Variants in HLA-DPB1 observed in about 807,000 individuals in gnomAD.
HLA-DPB1 encodes the protein major histocompatibility complex, class II, DP beta 1, also known as HLA class II histocompatibility antigen, DP beta 1 chain.
A neutral mutation model predicts 29.4 loss-of-function variants in HLA-DPB1; 30 were observed. The observed-to-expected ratio is 1.02, with a 90% CI of 0.76 to 1.38. The LOEUF is 1.38. Among genes scored for constraint, HLA-DPB1 ranks in the 40% most tolerant of loss-of-function variants. The pLI is 0.00. For missense variants in HLA-DPB1, 261 were observed against 327.5 expected (o/e 0.80, Z 1.57); for synonymous variants, 114 against 134.0 (o/e 0.85, Z 1.03).
At position 33,080,823 on chromosome 6, in the gene HLA-DPB1, T is replaced by G. The variant is rs9277351; in HGVS notation, c.252T>G (p.Ala84=). The change falls in exon 2 of 6, where the codon GCT becomes GCG. Residue 84 remains alanine (A), a synonymous_variant. Coordinates refer to ENST00000418931, the MANE Select transcript of HLA-DPB1 (RefSeq NM_002121.6). This position sits in a 1 kb window ranked among gnomAD's most constrained non-coding sequence, Gnocchi z 4.3. ...CGGTGACGGAGCTGGGGCGGCCTGC[T>G]GCGGAGTACTGGAACAGCCAGAAGG... ...FRAVTELGRP[A]AEYWNSQKDI... is the part of the protein sequence containing the mutation. 0.044 allele frequency: 70,801 copies of G among 1,594,662 alleles called. 6,016 individuals carry two copies. In the East Asian group the frequency reaches 0.47, roughly 11 times the overall value.
intron 2 of HLA-DPB1, chr6:33,084,131 T>A (rs1262315454): frequency 1.3e-5 from 2 of 152,224 alleles, no homozygotes; most frequent in African/African-American, 4.8e-5. Context: ...AGTTATTAGA[T>A]TCACAGGCCA....
chr6:33,077,346 C>T (rs1399522096), intron 1 of HLA-DPB1, among the ~76,000 whole-genome samples: 1 of 151,980 alleles, frequency 6.6e-6, no homozygotes, highest in African/African-American at 2.4e-5. Context: ...GGTTCCAAGT[C>T]TTTGCTATTG....
At chr6:33,085,995 G>A (rs9277477) in intron 4 of HLA-DPB1, 106 bp downstream of exon 4, 248,147 of 804,586 alleles carry the variant, frequency 0.31, 43,515 homozygotes, top group East Asian at 0.6. Context: ...AGCTCTAGAG[G>A]CCACTGATAT....
At position 33,085,104 on chromosome 6, in the gene HLA-DPB1, C is replaced by G; in HGVS notation, c.519C>G (p.Asn173Lys). ...QEETAGVVST[N>K]LIRNGDWTFQ... ...AAACAGCTGGGGTCGTGTCCACCAA[C>G]CTGATCCGTAATGGAGACTGGACCT... The change falls in exon 3 of 6, where the codon AAC becomes AAG. Residue 173 changes from asparagine to lysine, a missense_variant. Physicochemically the swap from Asn to Lys is moderately conservative, Grantham distance 94 (BLOSUM62 0). Transcript: ENST00000418931. The G allele has an allele frequency of 1.2e-6, 2 of 1,613,970 alleles. No homozygotes were observed. The highest frequency in any genetic ancestry group is 2.2e-5 in the South Asian group (2 of 91,074).
Position 33,085,812 on chromosome 6 carries a change from T to C in HLA-DPB1, c.680T>C (p.Leu227Ser). The part of the protein sequence containing the change: ...AQSDSARSKT[L>S]TGAGGFVLGL... The stretch of plus-strand genomic sequence containing the variant: ...TCTGATTCTGCCCGGAGTAAGACAT[T>C]GACGGGAGCTGGGGGCTTCGTGCTG... Residue 227 changes from leucine (L) to serine (S), a missense_variant, in exon 4 of 6, where the codon TTG becomes TCG. By Grantham distance (145) the Leu-to-Ser change is moderately radical (BLOSUM62 -2). Coordinates refer to ENST00000418931, the MANE Select transcript of HLA-DPB1 (RefSeq NM_002121.6). 5 of 1,614,058 alleles carry C rather than the reference T, an allele frequency of 3.1e-6. No individual in the cohort carries two copies. The highest frequency in any genetic ancestry group is 4.2e-6 in the Non-Finnish European group (5 of 1,179,966).
At position 33,088,543 on chromosome 6, in the gene HLA-DPB1, ACT is replaced by A. The variant is rs1373575777; in HGVS notation, c.*2012_*2013del. Among the ~76,000 whole-genome samples the A allele has an allele frequency of 2.0e-5, 3 of 152,042 alleles. No individual in the cohort carries two copies. Among genetic ancestry groups the A allele is most frequent in the Admixed American group, 6.5e-5 (1 of 15,270 alleles). ...TCTGACATATGCAGGTGTTTATGAA[ACT>A]CTGGGATTTCTAAGGAAGGATGCAG... On this transcript the variant is annotated 3_prime_UTR_variant, in exon 6 of 6. Coordinates refer to ENST00000418931, the MANE Select transcript of HLA-DPB1 (RefSeq NM_002121.6).
chr6:33,080,791 T>C lies in HLA-DPB1; in HGVS notation c.220T>C (p.Phe74Leu). The change falls in exon 2 of 6, where the codon TTC (phenylalanine) becomes CTC (leucine). Residue 74 changes from phenylalanine to leucine, a missense_variant. Phe to Leu is a conservative substitution (Grantham distance 22). Transcript: ENST00000418931. This position sits in a 1 kb window ranked among gnomAD's most constrained non-coding sequence, Gnocchi z 4.3. ...GCGCTTCGACAGCGACGTGGGGGAG[T>C]TCCGGGCGGTGACGGAGCTGGGGCG... ...FARFDSDVGE[F>L]RAVTELGRPA... 1 of 1,613,190 alleles carries C rather than the reference T, an allele frequency of 6.2e-7. No individual in the cohort carries two copies. The highest frequency in any genetic ancestry group is 2.2e-5 in the East Asian group (1 of 44,810).
chr6:33,085,313 T>C, intron 3 of HLA-DPB1, 82 bp downstream of exon 3: 1 of 1,229,354 alleles, frequency 8.1e-7, no homozygotes, highest in East Asian at 2.4e-5. Context: ...TCTTATCTTC[T>C]GCATCTATAC....
chr6:33,076,873 G>C (rs1025801893), intron 1 of HLA-DPB1, among the ~76,000 whole-genome samples: 1 of 151,854 alleles, frequency 6.6e-6, no homozygotes, highest in Non-Finnish European at 1.5e-5. Context: ...TAATATTATG[G>C]CATCTATGAT....
At chr6:33,079,635 G>GCAA (rs534439917) in intron 1 of HLA-DPB1, 2 of 466,814 alleles carry the variant, frequency 4.3e-6, no homozygotes, top group Middle Eastern at 3.7e-4. Context: ...GCTTATGGGA[G>GCAA]CAACAACAAC....
At chr6:33,083,825 T>C (rs1220663781) in intron 2 of HLA-DPB1, 2 of 152,264 alleles carry the variant, frequency 1.3e-5, no homozygotes, top group African/African-American at 4.8e-5. Flanking sequence ...AAAGAAAAGT[T>C]GCCAGTGGCA....
At position 33,080,811 on chromosome 6, in the gene HLA-DPB1, G is replaced by T. The variant is rs1018951362; in HGVS notation, c.240G>T (p.Leu80=). The change falls in exon 2 of 6, where the codon CTG becomes CTT. Residue 80 remains leucine (L), a synonymous_variant. Coordinates refer to ENST00000418931, the MANE Select transcript of HLA-DPB1 (RefSeq NM_002121.6). This position sits in a 1 kb window ranked among gnomAD's most constrained non-coding sequence, Gnocchi z 4.3. ...GGGAGTTCCGGGCGGTGACGGAGCT[G>T]GGGCGGCCTGCTGCGGAGTACTGGA... ...DVGEFRAVTE[L]GRPAAEYWNS... 6.2e-7 allele frequency: 1 copy of T among 1,603,674 alleles called. No individual in the cohort carries two copies.
chr6:33,080,441 C>A lies in HLA-DPB1; in HGVS notation c.101-231C>A, dbSNP rs1297335790. On this transcript the variant is annotated intron_variant, in intron 1 of 5. Transcript: ENST00000418931. The surrounding 1 kb of genome is among the most constrained non-coding windows in gnomAD (Gnocchi z 4.3). ...CCCCTCCCTAGTGATCACTCAGTGC[C>A]CCTGAGCTCATTCTTTTCAGTAAAT... The A allele has an allele frequency of 2.8e-6, 2 of 711,208 alleles. No homozygotes were observed. The highest frequency in any genetic ancestry group is 5.2e-6 in the Non-Finnish European group (2 of 388,198). The allele number at this position is 711,208 out of a possible 1,614,324, so 44.1% of individuals were successfully genotyped here.
rs553488718 is a variant in HLA-DPB1 at position 33,086,522 on chromosome 6, G to A, written c.*5-17G>A. 690 of 670,740 alleles carry A rather than the reference G, an allele frequency of 1.0e-3. 2 individuals are homozygous for A. In the African/African-American group the frequency reaches 0.012, roughly 12 times the overall value. The allele number at this position is 670,740 out of a possible 1,614,324, so 41.5% of individuals were successfully genotyped here. A position where few individuals can be genotyped will look rare whatever the true frequency, so the allele number is the denominator to read the frequency against. ...GGAGGCTGGCAACCTGGGATAACTT[G>A]TCTTTTACCCCCACAGGGTTCCTGA... On this transcript the variant is annotated splice_polypyrimidine_tract_variant and intron_variant, in intron 5 of 5. Transcript: ENST00000418931.
chr6:33,085,790 G>C lies in HLA-DPB1; in HGVS notation c.658G>C (p.Asp220His). The change falls in exon 4 of 6, where the codon GAT becomes CAT. Residue 220 changes from aspartate (D) to histidine (H), a missense_variant. Transcript: ENST00000418931. ...TCTGTCCTTCCCAGAGGCACAGTCT[G>C]ATTCTGCCCGGAGTAAGACATTGAC... ...PVTVEWKAQS[D>H]SARSKTLTGA... 6.2e-7 allele frequency: 1 copy of C among 1,613,764 alleles called. No individual in the cohort carries two copies. Among genetic ancestry groups the C allele is most frequent in the Non-Finnish European group, 8.5e-7 (1 of 1,179,674 alleles).
At chr6:33,086,027 T>C in intron 4 of HLA-DPB1, 138 bp downstream of exon 4, 1 of 766,744 alleles carries the variant, frequency 1.3e-6, no homozygotes, top group Non-Finnish European at 2.2e-6. Context: ...GGAACAAACA[T>C]GACCTATAGC....
At chr6:33,078,221 A>G (rs1327238037) in intron 1 of HLA-DPB1, among the ~76,000 whole-genome samples, 1 of 152,142 alleles carries the variant, frequency 6.6e-6, no homozygotes, top group African/African-American at 2.4e-5. Context: ...TGTAGGGGGA[A>G]TGAGATGAGG....
chr6:33,086,072 C>A, intron 4 of HLA-DPB1, 147 bp from the exon 5 acceptor site: 1 of 831,890 alleles, frequency 1.2e-6, no homozygotes, highest in Non-Finnish European at 2.0e-6. Flanking sequence ...CTTAATGCAG[C>A]CAGATGCATG....
In HLA-DPB1 at chr6:33,087,724, C is replaced by T. The variant is rs9277552; in HGVS notation, c.*1190C>T. Among the ~76,000 whole-genome samples, 29,235 of 152,006 alleles carry T rather than the reference C, an allele frequency of 0.19. 2,841 individuals carry two copies. The highest frequency in any genetic ancestry group is 0.24 in the South Asian group (1,169 of 4,814). On this transcript the variant is annotated 3_prime_UTR_variant, in exon 6 of 6. Coordinates refer to ENST00000418931, the MANE Select transcript of HLA-DPB1 (RefSeq NM_002121.6). The stretch of plus-strand genomic sequence containing the variant: ...CAAATAATATCTTCCATCGGGGGAC[C>T]GGCTTCCTCCAATTTCAGGAGAGGT...
Sources: gnomAD v4.1 joint callset for allele counts (sites outside exome capture counted in the v4.1 genomes callset) on GRCh38, gnomAD v4.1.1 for gene constraint, Gnocchi (gnomAD v3.1) non-coding constraint, MANE v1.5 for transcripts, NCBI Gene and HGNC (gene_info 2026-07-23, HGNC 2026-07-21) for gene names.